CCDC15: variants seen among roughly 807,000 people sequenced by gnomAD.
CCDC15 encodes the protein coiled-coil domain-containing protein 15.
A neutral mutation model predicts 114.5 loss-of-function variants in CCDC15; 105 were observed. The ratio of observed to expected loss-of-function variants is 0.92; its 90% CI spans 0.78 to 1.08. The LOEUF (loss-of-function observed/expected upper bound fraction) is 1.08. Among genes scored for constraint, CCDC15 ranks in the 50% least tolerant of loss-of-function variants. The probability of loss-of-function intolerance (pLI) is 0.00; values close to 1 mark genes in which losing one functional copy is unlikely to be tolerated. For synonymous variants in CCDC15, 334 were observed against 377.8 expected (o/e 0.88, Z 1.34); for missense variants, 1,105 against 1,093.6 (o/e 1.01, Z -0.15).
rs1948160256 is a variant in CCDC15, at chr11:124,986,628, T to C, written c.754-114T>C. 10 of 1,169,130 alleles carry C rather than the reference T, an allele frequency of 8.6e-6. 1 individual carries two copies. In the South Asian group the frequency reaches 2.0e-4, roughly 23 times the overall value. The allele number at this position is 1,169,130 out of a possible 1,614,324, so 72.4% of individuals were successfully genotyped here. A position where few individuals can be genotyped will look rare whatever the true frequency, so the allele number is the denominator to read the frequency against. On this transcript the variant is annotated intron_variant, in intron 6 of 15. Coordinates refer to ENST00000344762, the MANE Select transcript of CCDC15 (RefSeq NM_025004.3). ...AGTGACCTGAAGCCTAGAATTTTAT[T>C]GCAATCACATTGTTTCTTCCTATAA...
chr11:125,018,170 C>G (rs1324957013), intron 13 of CCDC15, among the ~76,000 whole-genome samples: 1 of 152,112 alleles, frequency 6.6e-6, no homozygotes, highest in Non-Finnish European at 1.5e-5. Context: ...GTCCTGCATG[C>G]TCCATTCATG....
At chr11:125,036,952 T>C (rs1223284391) in intron 13 of CCDC15, among the ~76,000 whole-genome samples, 1 of 152,218 alleles carries the variant, frequency 6.6e-6, no homozygotes. Context: ...CACACATCTG[T>C]GTCTCTCTGG....
At chr11:125,004,195 G>C (rs888699888) in intron 12 of CCDC15, among the ~76,000 whole-genome samples, 1 of 151,832 alleles carries the variant, frequency 6.6e-6, no homozygotes, top group African/African-American at 2.4e-5. Flanking sequence ...AATTTCTCCA[G>C]CTAATGTATA....
At chr11:124,972,803 G>T (rs1048085343) in intron 4 of CCDC15, among the ~76,000 whole-genome samples, 1 of 152,036 alleles carries the variant, frequency 6.6e-6, no homozygotes, top group African/African-American at 2.4e-5. Context: ...ATTTCTGCAT[G>T]CCATTTTCAC....
chr11:124,984,800 C>T (rs1948130024), intron 6 of CCDC15, among the ~76,000 whole-genome samples: 1 of 152,058 alleles, frequency 6.6e-6, no homozygotes, highest in South Asian at 2.1e-4. Flanking sequence ...AGGTTCCCAC[C>T]TTCCTCCTCC....
chr11:124,991,138 G>C (rs1948261759), intron 8 of CCDC15, among the ~76,000 whole-genome samples: 2 of 152,242 alleles, frequency 1.3e-5, no homozygotes, highest in South Asian at 4.1e-4. Context: ...ATAGGTAGGA[G>C]AGGGAGAGAG....
intron 5 of CCDC15, 139 bp from the exon 6 acceptor site, chr11:124,977,339 A>T (rs1947990087): frequency 3.3e-6 from 2 of 614,250 alleles, no homozygotes; most frequent in Middle Eastern, 4.5e-4. Flanking sequence ...AGTAGAACTC[A>T]TGTTTTTTCC....
At chr11:124,963,013 T>A (rs891171371) in intron 4 of CCDC15, among the ~76,000 whole-genome samples, 5 of 152,254 alleles carry the variant, frequency 3.3e-5, no homozygotes, top group African/African-American at 1.2e-4. Flanking sequence ...TATTTCATGG[T>A]GTATATGTGC....
intron 13 of CCDC15, among the ~76,000 whole-genome samples, chr11:125,012,709 ATAG>A (rs2135528811): frequency 6.6e-6 from 1 of 152,304 alleles, no homozygotes; most frequent in East Asian, 1.9e-4. Flanking sequence ...GGAGGAAATA[ATAG>A]TAGTATTCAT....
At chr11:125,017,972 A>T (rs185317561) in intron 13 of CCDC15, among the ~76,000 whole-genome samples, 1 of 152,172 alleles carries the variant, frequency 6.6e-6, no homozygotes, top group Non-Finnish European at 1.5e-5. Flanking sequence ...CAAGTAAAAA[A>T]ATTCAGTTTA....
At chr11:124,965,262 A>G (rs1286318321) in intron 4 of CCDC15, among the ~76,000 whole-genome samples, 1 of 152,104 alleles carries the variant, frequency 6.6e-6, no homozygotes, top group Non-Finnish European at 1.5e-5. Context: ...CTGTGAATCC[A>G]TCTGGTCTTG....
Position 124,960,023 on chromosome 11 carries a change from A to G in CCDC15, c.516+20A>G. ...CAGGCTGTAAGTACCTGTTCTTTTT[A>G]TTTTATGTCTATGATATTTTCCCTA... On this transcript the variant is annotated intron_variant, in intron 4 of 15. Transcript: ENST00000344762. 1 of 1,514,818 alleles carries G rather than the reference A, an allele frequency of 6.6e-7. No homozygotes were observed. Among genetic ancestry groups the G allele is most frequent in the South Asian group, 1.3e-5 (1 of 78,542 alleles). 93.8% of individuals were successfully genotyped at this position (1,514,818 alleles called of 1,614,324 possible). A position where few individuals can be genotyped will look rare whatever the true frequency, so the allele number is the denominator to read the frequency against.
chr11:125,019,034 C>T (rs941397259), intron 13 of CCDC15, among the ~76,000 whole-genome samples: 2 of 151,676 alleles, frequency 1.3e-5, no homozygotes, highest in African/African-American at 4.8e-5. Context: ...AATAGGTGAG[C>T]CTTAAGAAAT....
intron 13 of CCDC15, among the ~76,000 whole-genome samples, chr11:125,016,280 G>T (rs1706902631): frequency 1.3e-5 from 2 of 151,632 alleles, no homozygotes; most frequent in African/African-American, 4.9e-5. Context: ...TATTCCCTTT[G>T]TGTATGTTTT....
At chr11:124,977,984 T>G (rs1355568239) in intron 6 of CCDC15, among the ~76,000 whole-genome samples, 1 of 152,178 alleles carries the variant, frequency 6.6e-6, no homozygotes, top group African/African-American at 2.4e-5. Context: ...ATAGGTAGTT[T>G]TCCCATCCTC....
intron 2 of CCDC15, among the ~76,000 whole-genome samples, chr11:124,956,057 A>G (rs1217349879): frequency 6.6e-6 from 1 of 152,126 alleles, no homozygotes; most frequent in Non-Finnish European, 1.5e-5. Flanking sequence ...GATCGATTGG[A>G]GTGGAAAGCT....
rs538280630 is a variant in CCDC15, at chr11:125,011,471, C to T, written c.2411+6259C>T. ...CAGGCTGATCTCGAACTCCTGACCTCGTGATCCACCCGCCTCAGCCTCCCA... is the reference window on the plus strand; with the variant it reads ...CAGGCTGATCTCGAACTCCTGACCTTGTGATCCACCCGCCTCAGCCTCCCA... On this transcript the variant is annotated intron_variant, in intron 13 of 15. Coordinates refer to ENST00000344762, the MANE Select transcript of CCDC15 (RefSeq NM_025004.3). Among the ~76,000 whole-genome samples, 32 of 151,940 alleles carry T rather than the reference C, an allele frequency of 2.1e-4. No homozygotes were observed. The South Asian group carries it at 6.2e-3, about 30-fold the overall frequency.
chr11:124,975,794 T>C (rs1352074974), intron 5 of CCDC15, among the ~76,000 whole-genome samples: 1 of 152,186 alleles, frequency 6.6e-6, no homozygotes, highest in Non-Finnish European at 1.5e-5. Flanking sequence ...CAGGTGATTT[T>C]CTTCTGTTTT....
At chr11:125,035,718 T>G (rs1361705363) in intron 13 of CCDC15, among the ~76,000 whole-genome samples, 1 of 152,196 alleles carries the variant, frequency 6.6e-6, no homozygotes, top group Non-Finnish European at 1.5e-5. Context: ...TTATTGCTTT[T>G]TATATTTTGT....
Sources: allele counts gnomAD v4.1 joint callset (sites outside exome capture counted in the v4.1 genomes callset), GRCh38; gene constraint gnomAD v4.1.1; transcripts MANE v1.5; gene names NCBI Gene and HGNC (gene_info 2026-07-23, HGNC 2026-07-21).